LIN52: variants seen among roughly 807,000 people sequenced by gnomAD.
LIN52 encodes the protein protein lin-52 homolog.
In LIN52, 4 loss-of-function variants were observed where a neutral mutation model predicts 18.5. The ratio of observed to expected loss-of-function variants is 0.22; its 90% confidence interval spans 0.11 to 0.49. The LOEUF (loss-of-function observed/expected upper bound fraction) is 0.49, where lower values mean the gene tolerates loss of function less well. Among genes scored for constraint, LIN52 ranks in the 20% least tolerant of loss-of-function variants. The pLI, the probability that LIN52 is intolerant of heterozygous loss-of-function variation, is 0.97. For missense variants in LIN52, 102 were observed against 139.5 expected, an observed-to-expected ratio of 0.73 and a Z score of 1.35; for synonymous variants, 34 against 45.5, an observed-to-expected ratio of 0.75 and a Z score of 1.02.
intron 5 of LIN52, among the ~76,000 whole-genome samples, chr14:74,172,033 G>A (rs188700235): frequency 1.2e-4 from 18 of 152,186 alleles, no homozygotes; most frequent in Non-Finnish European, 8.8e-5. Flanking sequence ...CACTGCTCTC[G>A]GCCCATTTTA....
intron 5 of LIN52, among the ~76,000 whole-genome samples, chr14:74,143,114 A>T (rs1266822394): frequency 6.6e-6 from 1 of 152,062 alleles, no homozygotes; most frequent in African/African-American, 2.4e-5. Context: ...GTGCATTTGA[A>T]ATAGGAAAAT....
intron 5 of LIN52, among the ~76,000 whole-genome samples, chr14:74,119,869 C>T (rs1400175132): frequency 5.5e-5 from 8 of 144,316 alleles, no homozygotes; most frequent in African/African-American, 1.0e-4. Context: ...GAGTTTCACT[C>T]TTGTCGCCCA....
chr14:74,134,302 G>A (rs901771974), intron 5 of LIN52, among the ~76,000 whole-genome samples: 1 of 152,136 alleles, frequency 6.6e-6, no homozygotes, highest in East Asian at 1.9e-4. Context: ...GGCCTCTCTT[G>A]GGAAAGGAAC....
chr14:74,163,384 C>T (rs1469834146), intron 5 of LIN52, among the ~76,000 whole-genome samples: 1 of 152,142 alleles, frequency 6.6e-6, no homozygotes, highest in Non-Finnish European at 1.5e-5. Context: ...ACCCAGCCTC[C>T]GTTGCTACTT....
chr14:74,106,012 T>A (rs1463784027), intron 5 of LIN52, among the ~76,000 whole-genome samples: 2 of 152,236 alleles, frequency 1.3e-5, no homozygotes, highest in Non-Finnish European at 2.9e-5. Flanking sequence ...ACTTTTCTTA[T>A]AGGGATTTAT....
At chr14:74,089,955 T>C (rs1399275572) in intron 1 of LIN52, among the ~76,000 whole-genome samples, 1 of 151,138 alleles carries the variant, frequency 6.6e-6, no homozygotes, top group East Asian at 1.9e-4. Context: ...AGCCCCACGG[T>C]AGCATCTAGG....
intron 5 of LIN52, among the ~76,000 whole-genome samples, chr14:74,127,505 G>A (rs2061035640): frequency 6.6e-6 from 1 of 152,172 alleles, no homozygotes; most frequent in East Asian, 1.9e-4. Context: ...GTTTACTAAG[G>A]ATTTTGGGTA....
In LIN52 at chr14:74,085,009, G is replaced by C. The variant is rs751426341; in HGVS notation, c.19+16G>C. 7.2e-7 allele frequency: 1 copy of C among 1,389,220 alleles called. No homozygotes were observed. Among genetic ancestry groups the C allele is most frequent in the Admixed American group, 2.9e-5 (1 of 34,720 alleles). 86.1% of individuals were successfully genotyped at this position (1,389,220 alleles called of 1,614,324 possible). Reference sequence around the variant, plus strand: ...CCCACAGACGGTAAGAGCCGGCTTAGAGATCTTTGCCTGCAGCCTCCTTCT... The same window carrying C: ...CCCACAGACGGTAAGAGCCGGCTTACAGATCTTTGCCTGCAGCCTCCTTCT... On this transcript the variant is annotated intron_variant, in intron 1 of 5. Transcript: ENST00000555028.
chr14:74,124,810 C>CAAAAAAAAAAAAAAAAAAAAA (rs5809648), intron 5 of LIN52, among the ~76,000 whole-genome samples: 1 of 59,442 alleles, frequency 1.7e-5, no homozygotes, highest in African/African-American at 6.7e-5. Context: ...GACCCTGTCT[C>CAAAAAAAAAAAAAAAAAAAAA]AAAAAAAAAA....
chr14:74,183,413 T>G (rs1566869536), intron 5 of LIN52, among the ~76,000 whole-genome samples: 1 of 152,132 alleles, frequency 6.6e-6, no homozygotes, highest in Non-Finnish European at 1.5e-5. Context: ...AGTTACCCGC[T>G]TCTAAAGCTT....
chr14:74,107,198 G>A (rs1327750428), intron 5 of LIN52, among the ~76,000 whole-genome samples: 1 of 152,174 alleles, frequency 6.6e-6, no homozygotes. Context: ...ATGGTCAACA[G>A]CACAGAATAA....
At chr14:74,158,624 AT>A (rs2061211203) in intron 5 of LIN52, among the ~76,000 whole-genome samples, 1 of 151,834 alleles carries the variant, frequency 6.6e-6, no homozygotes, top group Admixed American at 6.6e-5. Flanking sequence ...GATTACAGGC[AT>A]GTGCCACCAC....
At chr14:74,182,459 A>G (rs552065857) in intron 5 of LIN52, among the ~76,000 whole-genome samples, 1 of 122,050 alleles carries the variant, frequency 8.2e-6, no homozygotes, top group African/African-American at 2.5e-5. Flanking sequence ...TATCAGTTAA[A>G]TTATCAGCTA....
chr14:74,192,763 C>T lies in LIN52; in HGVS notation c.284-6159C>T, dbSNP rs139422594. The T allele has an allele frequency of 1.2e-3, 296 of 248,790 alleles. 2 individuals are homozygous for T. Among genetic ancestry groups the T allele is most frequent in the African/African-American group, 6.4e-3 (279 of 43,576 alleles). The allele number at this position is 248,790 out of a possible 1,614,324, so 15.4% of individuals were successfully genotyped here. On this transcript the variant is annotated intron_variant, in intron 5 of 5. Transcript: ENST00000555028. ...GCAGCCAATTAATGAGACAGACACACCTGCACAGTTGGAAATGAGGATACA... is the reference window on the plus strand; with the variant it reads ...GCAGCCAATTAATGAGACAGACACATCTGCACAGTTGGAAATGAGGATACA...
Position 74,148,587 on chromosome 14 carries a change from A to C in LIN52, c.283+47349A>C, listed in dbSNP as rs542863120. 1.5e-4 allele frequency among the ~76,000 whole-genome samples: 23 copies of C among 152,372 alleles called. No individual in the cohort carries two copies. The East Asian group carries it at 4.4e-3, about 29-fold the overall frequency. On this transcript the variant is annotated intron_variant, in intron 5 of 5. Transcript: ENST00000555028. ...GAACAACAACAACAACAAATCCTAC[A>C]TATCAACAGTGGCAAGTTGGTTTCC...
At chr14:74,108,280 G>A (rs984864064) in intron 5 of LIN52, among the ~76,000 whole-genome samples, 4 of 152,160 alleles carry the variant, frequency 2.6e-5, no homozygotes, top group African/African-American at 9.7e-5. Context: ...GGTGATGGGC[G>A]TTTGAGTTGT....
intron 5 of LIN52, among the ~76,000 whole-genome samples, chr14:74,184,133 T>A (rs1301324899): frequency 6.6e-6 from 1 of 152,194 alleles, no homozygotes; most frequent in African/African-American, 2.4e-5. Context: ...CAGGCTGGAG[T>A]GCACAGGTGT....
chr14:74,196,159 G>A (rs1023347489), intron 5 of LIN52, among the ~76,000 whole-genome samples: 2 of 152,144 alleles, frequency 1.3e-5, no homozygotes, highest in African/African-American at 4.8e-5. Context: ...TGTGTACTTG[G>A]ATTAGGTTGA....
intron 5 of LIN52, among the ~76,000 whole-genome samples, chr14:74,197,399 G>A (rs1364106659): frequency 6.6e-6 from 1 of 152,210 alleles, no homozygotes; most frequent in Non-Finnish European, 1.5e-5. Context: ...AAGTGAACAG[G>A]AGAGCACGTG....
Sources: allele counts gnomAD v4.1 joint callset (sites outside exome capture counted in the v4.1 genomes callset), GRCh38; gene constraint gnomAD v4.1.1; transcripts MANE v1.5; gene names NCBI Gene and HGNC (gene_info 2026-07-23, HGNC 2026-07-21).